The following ROBO2 variants were observed in gnomAD, a reference collection of about 807,000 sequenced individuals.
ROBO2 encodes the protein roundabout guidance receptor 2.
A neutral mutation model predicts 160.8 loss-of-function variants in ROBO2; 53 were observed. The observed-to-expected ratio is 0.33, with a 90% CI of 0.26 to 0.41. The LOEUF (loss-of-function observed/expected upper bound fraction) is 0.41. Among genes scored for constraint, ROBO2 ranks in the 10% least tolerant of loss-of-function variants. The probability of loss-of-function intolerance (pLI) is 1.00; values close to 1 mark genes in which losing one functional copy is unlikely to be tolerated. For missense variants in ROBO2, 1,577 were observed against 1,722.4 expected (o/e 0.92, Z 1.49); for synonymous variants, 664 against 611.7 (o/e 1.09, Z -1.26).
intron 2 of ROBO2, among the ~76,000 whole-genome samples, chr3:76,318,305 G>A (rs2072218110): frequency 6.6e-6 from 1 of 152,056 alleles, no homozygotes; most frequent in Admixed American, 6.6e-5. Context: ...ATGTTGGGAA[G>A]CGTATGTTCT....
At chr3:77,010,876 T>TCCTC (rs1299856902) in intron 2 of ROBO2, among the ~76,000 whole-genome samples, 1 of 120,886 alleles carries the variant, frequency 8.3e-6, no homozygotes, top group African/African-American at 3.0e-5. Context: ...CTACCTTCCT[T>TCCTC]CCTCCCTCCC....
At chr3:76,628,708 C>A (rs541234616) in intron 2 of ROBO2, among the ~76,000 whole-genome samples, 6 of 152,078 alleles carry the variant, frequency 3.9e-5, no homozygotes, top group African/African-American at 2.4e-5. Flanking sequence ...AAAAGTGATT[C>A]TTTTCTTCCA....
chr3:76,930,300 C>T (rs1363739159), intron 2 of ROBO2, among the ~76,000 whole-genome samples: 2 of 152,158 alleles, frequency 1.3e-5, no homozygotes, highest in African/African-American at 2.4e-5. Context: ...AGTCACCATG[C>T]CCGGCCTACT....
At chr3:77,385,285 TC>T (rs1265347398) in intron 2 of ROBO2, among the ~76,000 whole-genome samples, 1 of 152,224 alleles carries the variant, frequency 6.6e-6, no homozygotes, top group Non-Finnish European at 1.5e-5. Flanking sequence ...CACCTCGGCT[TC>T]CCAAAGTGCT....
chr3:77,140,490 C>T (rs1044534865), intron 2 of ROBO2, among the ~76,000 whole-genome samples: 1 of 152,108 alleles, frequency 6.6e-6, no homozygotes, highest in African/African-American at 2.4e-5. Flanking sequence ...ATAATACCTC[C>T]CAGTATCCCT....
At chr3:77,361,827 A>T (rs1293215410) in intron 2 of ROBO2, among the ~76,000 whole-genome samples, 2 of 152,104 alleles carry the variant, frequency 1.3e-5, no homozygotes, top group Admixed American at 1.3e-4. Context: ...TGTGTAATTG[A>T]CTCAGTTACA....
chr3:76,405,697 T>C (rs1035290100), intron 2 of ROBO2, among the ~76,000 whole-genome samples: 2 of 151,694 alleles, frequency 1.3e-5, no homozygotes, highest in Non-Finnish European at 1.5e-5. Flanking sequence ...CATGTTCATC[T>C]TCTACTTGTT....
rs76094494 is a variant in ROBO2 at position 77,353,105 on chromosome 3, A to ATCATTGTT, written c.389-124309_389-124308insTCATTGTT. Among the ~76,000 whole-genome samples the ATCATTGTT allele has an allele frequency of 4.3e-4, 50 of 117,034 alleles. No individual in the cohort carries two copies. In the East Asian group the frequency reaches 9.7e-3, roughly 23 times the overall value. The allele number at this position is 117,034 out of a possible 152,430, so 76.8% of individuals were successfully genotyped here. On this transcript the variant is annotated intron_variant, in intron 2 of 25. Transcript: ENST00000461745. ...ATGGCTTAAACTTTTTCATAGTTTA[A>ATCATTGTT]AAATTTATTTTTAAAAATGTTACTC... is the stretch of plus-strand genomic sequence containing the variant.
intron 2 of ROBO2, among the ~76,000 whole-genome samples, chr3:77,306,035 C>T (rs2063069580): frequency 6.6e-6 from 1 of 151,994 alleles, no homozygotes; most frequent in Non-Finnish European, 1.5e-5. Flanking sequence ...ATAATTAGAA[C>T]ATTCTATTTT....
intron 2 of ROBO2, among the ~76,000 whole-genome samples, chr3:76,061,879 C>T (rs1258665653): frequency 1.3e-5 from 2 of 152,238 alleles, no homozygotes; most frequent in Non-Finnish European, 2.9e-5. Context: ...CGACAGGGGC[C>T]ACCCGCATTC....
chr3:76,107,243 G>T (rs1464387243), intron 2 of ROBO2, among the ~76,000 whole-genome samples: 2 of 152,014 alleles, frequency 1.3e-5, no homozygotes, highest in Admixed American at 1.3e-4. Context: ...CAGAGACTTA[G>T]GTTATTTACT....
At chr3:76,748,768 AG>A (rs1560492607) in intron 2 of ROBO2, among the ~76,000 whole-genome samples, 1 of 152,076 alleles carries the variant, frequency 6.6e-6, no homozygotes, top group East Asian at 1.9e-4. Flanking sequence ...ACAATTTAAA[AG>A]TATCATAAAC....
chr3:76,117,524 A>G (rs1215242845), intron 2 of ROBO2, among the ~76,000 whole-genome samples: 1 of 152,206 alleles, frequency 6.6e-6, no homozygotes, highest in Non-Finnish European at 1.5e-5. Context: ...GTAATGATTA[A>G]TATACTTACG....
chr3:76,222,230 A>T (rs144867254), intron 2 of ROBO2, among the ~76,000 whole-genome samples: 4,027 of 152,276 alleles, frequency 0.026, 48 homozygotes, highest in Middle Eastern at 0.044. Context: ...CAGCAACTTC[A>T]GTTCTTGCCT....
At chr3:76,871,747 A>G (rs2072113815) in intron 2 of ROBO2, among the ~76,000 whole-genome samples, 1 of 152,164 alleles carries the variant, frequency 6.6e-6, no homozygotes, top group Non-Finnish European at 1.5e-5. Context: ...GTGACTGTGA[A>G]TGGCAGCCAA....
chr3:77,048,532 T>A lies in ROBO2; in HGVS notation c.61+7686T>A, dbSNP rs2064914953. On this transcript the variant is annotated intron_variant, in intron 1 of 25. Transcript: ENST00000461745. ...TTCATGTTGGCTGATTTACATTTCA[T>A]CCTGGATAATTTTTACCTGGTGCTT... Among the ~76,000 whole-genome samples the A allele has an allele frequency of 2.0e-5, 3 of 152,230 alleles. No individual in the cohort carries two copies. The South Asian group carries it at 6.2e-4, about 32-fold the overall frequency.
At chr3:76,423,028 T>C (rs1188066699) in intron 2 of ROBO2, among the ~76,000 whole-genome samples, 1 of 152,066 alleles carries the variant, frequency 6.6e-6, no homozygotes, top group Admixed American at 6.6e-5. Flanking sequence ...GGAGAGGAGT[T>C]TGTCCTTTGA....
intron 2 of ROBO2, among the ~76,000 whole-genome samples, chr3:76,548,044 A>G (rs1205442328): frequency 2.0e-5 from 3 of 152,134 alleles, no homozygotes; most frequent in Non-Finnish European, 2.9e-5. Flanking sequence ...TCCTAAATCA[A>G]TCACCTTTTC....
At chr3:76,865,392 T>C (rs930360956) in intron 2 of ROBO2, among the ~76,000 whole-genome samples, 1 of 152,012 alleles carries the variant, frequency 6.6e-6, no homozygotes, top group African/African-American at 2.4e-5. Flanking sequence ...CCTATGGCTA[T>C]CTAGGCTTGC....
Sources: allele counts gnomAD v4.1 joint callset (sites outside exome capture counted in the v4.1 genomes callset), GRCh38; gene constraint gnomAD v4.1.1; transcripts MANE v1.5; gene names NCBI Gene and HGNC (gene_info 2026-07-23, HGNC 2026-07-21).